The following MARS1 variants were observed in gnomAD, a reference collection of about 807,000 sequenced individuals.
The protein encoded by MARS1 is methionyl-tRNA synthetase 1, also known as methionine--tRNA ligase, cytoplasmic.
A neutral mutation model predicts 119.5 loss-of-function variants in MARS1; 80 were observed. The ratio of observed to expected loss-of-function variants is 0.67; its 90% confidence interval spans 0.56 to 0.81. MARS1 has a LOEUF of 0.81. MARS1 is among the 30% of genes least tolerant of loss of function. MARS1 has a pLI of 0.00. For missense variants in MARS1, 945 were observed against 1,116.5 expected (o/e 0.85, Z 2.19); for synonymous variants, 418 against 433.4 (o/e 0.96, Z 0.44).
chr12:57,505,156 C>A (rs941413133), intron 11 of MARS1, among the ~76,000 whole-genome samples: 8 of 149,356 alleles, frequency 5.4e-5, no homozygotes, highest in African/African-American at 2.0e-4. Context: ...GCATTGACCT[C>A]CTGATTTGTT....
In MARS1 at chr12:57,498,161, C is replaced by T. The variant is rs999105357; in HGVS notation, c.775C>T (p.Pro259Ser). ...CTCTTCCTCTTTCCTTACTAGGTTG[C>T]CTGTGGCTGGAGAAAGGAATGTGCT... ...PLRPQQNPVL[P>S]VAGERNVLIT... The change falls in exon 8 of 21, where the codon CCT becomes TCT. Residue 259 changes from proline (P) to serine (S), a missense_variant. Transcript: ENST00000262027. 6.2e-7 allele frequency: 1 copy of T among 1,610,282 alleles called. No homozygotes were observed. Among genetic ancestry groups the T allele is most frequent in the African/African-American group, 1.3e-5 (1 of 74,948 alleles).
At position 57,516,587 on chromosome 12, in the gene MARS1, C is replaced by T; in HGVS notation, c.*6C>T. On this transcript the variant is annotated 3_prime_UTR_variant, in exon 21 of 21. Transcript: ENST00000262027. ...AAGGCAAGAAGAAAAAGTAAAAGAC[C>T]TTGGCTCATAGAAAGTCACTTTAAT... 2 of 1,565,288 alleles carry T rather than the reference C, an allele frequency of 1.3e-6. No homozygotes were observed. Among genetic ancestry groups the T allele is most frequent in the Non-Finnish European group, 1.7e-6 (2 of 1,163,036 alleles).
intron 7 of MARS1, among the ~76,000 whole-genome samples, chr12:57,491,491 C>CT (rs1291485993): frequency 2.0e-5 from 3 of 152,120 alleles, no homozygotes; most frequent in Admixed American, 6.5e-5. Context: ...GTCGTTGACT[C>CT]TAACTGTTAA....
chr12:57,489,963 A>C lies in MARS1; in HGVS notation c.482A>C (p.Tyr161Ser), dbSNP rs527613531. 6.2e-7 allele frequency: 1 copy of C among 1,613,884 alleles called. No homozygotes were observed. The highest frequency in any genetic ancestry group is 1.1e-5 in the South Asian group (1 of 91,074). Residue 161 changes from tyrosine to serine, a missense_variant, in exon 5 of 21, where the codon TAC becomes TCC. By Grantham distance (144) the Tyr-to-Ser change is moderately radical. Transcript: ENST00000262027. ...TACCCATTACTGCAAGATCCCGCCT[A>C]CCTCCCTGGTGAGAACTGTGCATAT... The part of the protein sequence containing the change: ...ALYPLLQDPA[Y>S]LPEELSALHS...
At chr12:57,506,850 CTTT>C (rs35786533) in intron 11 of MARS1, among the ~76,000 whole-genome samples, 7 of 128,088 alleles carry the variant, frequency 5.5e-5, no homozygotes, top group African/African-American at 5.8e-5. Flanking sequence ...TAATTTTTGT[CTTT>C]TTTTTTTTTT....
chr12:57,516,135 C>A, intron 19 of MARS1, 110 bp from the exon 20 acceptor site: 2 of 1,356,836 alleles, frequency 1.5e-6, no homozygotes, highest in Non-Finnish European at 2.1e-6. Context: ...CCTGTCTTAA[C>A]TAGAAGAGAC....
chr12:57,516,082 C>T (rs1046538796), intron 19 of MARS1, 91 bp downstream of exon 19: 8 of 1,454,318 alleles, frequency 5.5e-6, no homozygotes, highest in Non-Finnish European at 7.7e-6. Context: ...ATCACTCTTT[C>T]CATCTTTTGG....
chr12:57,493,609 A>T (rs368125146), intron 7 of MARS1, among the ~76,000 whole-genome samples: 3 of 2,670 alleles, frequency 1.1e-3, no homozygotes, highest in African/African-American at 1.5e-3. Context: ...TATAATATAT[A>T]ATATATTATA....
At chr12:57,516,029 G>T (rs916527031) in intron 19 of MARS1, 38 bp downstream of exon 19, 2 of 1,595,914 alleles carry the variant, frequency 1.3e-6, no homozygotes, top group Non-Finnish European at 1.7e-6. Context: ...CTCCACAACA[G>T]CCACAGCATC....
intron 10 of MARS1, among the ~76,000 whole-genome samples, chr12:57,501,818 T>G (rs1319033142): frequency 6.9e-6 from 1 of 145,330 alleles, no homozygotes; most frequent in Non-Finnish European, 1.5e-5. Flanking sequence ...TAAGACTCTG[T>G]CTAAAAAAAA....
rs1877703211 is a variant in MARS1, at chr12:57,514,841, G to C, written c.2089G>C (p.Glu697Gln). 6.2e-7 allele frequency: 1 copy of C among 1,613,998 alleles called. No individual in the cohort carries two copies. The highest frequency in any genetic ancestry group is 8.5e-7 in the Non-Finnish European group (1 of 1,179,874). The change falls in exon 16 of 21, where the codon GAG becomes CAG. Residue 697 changes from glutamate to glutamine, a missense_variant. By Grantham distance (29) the Glu-to-Gln change is conservative (BLOSUM62 2). Transcript: ENST00000262027. ...GCTCCAGCACTATCACCAGCTACTT[G>C]AGAAGGTTCGGTAAGTAACTGACAC... ...LELQHYHQLL[E>Q]KVRIRDALRS... is the part of the protein sequence containing the mutation.
intron 7 of MARS1, among the ~76,000 whole-genome samples, chr12:57,493,419 A>C (rs1233272497): frequency 3.3e-5 from 1 of 30,206 alleles, no homozygotes; most frequent in Non-Finnish European, 5.6e-5. Context: ...ATAATATATT[A>C]TATGATATGT....
chr12:57,512,555 T>TA, intron 14 of MARS1, 196 bp from the exon 15 acceptor site: 1 of 640,264 alleles, frequency 1.6e-6, no homozygotes, highest in Admixed American at 2.9e-5. Flanking sequence ...CTTTAGTAGA[T>TA]ATAAGCAAAG....
chr12:57,498,655 CT>C lies in MARS1; in HGVS notation c.1091+34del, dbSNP rs1373441294. ...TTCCTCTAATGAGGCAGAAATGGGG[CT>C]TGAAGGCTGAGACTGGGAACAGTGG... On this transcript the variant is annotated intron_variant, in intron 9 of 20. Transcript: ENST00000262027. 3 of 1,598,400 alleles carry C rather than the reference CT, an allele frequency of 1.9e-6. No individual in the cohort carries two copies. In the South Asian group the frequency reaches 3.3e-5, roughly 18 times the overall value.
chr12:57,507,459 G>A (rs1165765914), intron 11 of MARS1, among the ~76,000 whole-genome samples: 1 of 71,770 alleles, frequency 1.4e-5, no homozygotes. Context: ...CTCCCGGACG[G>A]GGCGGCTGGC....
chr12:57,500,648 C>T lies in MARS1; in HGVS notation c.1293+126C>T, dbSNP rs982798427. On this transcript the variant is annotated intron_variant, in intron 10 of 20. Coordinates refer to ENST00000262027, the MANE Select transcript of MARS1 (RefSeq NM_004990.4). ...CCTTTAACCAGTGGCCCTTTCTGCC[C>T]CATCTCAGCAACTCGTCATTTAGTT... 6 of 812,546 alleles carry T rather than the reference C, an allele frequency of 7.4e-6. No individual in the cohort carries two copies. The African/African-American group carries it at 1.0e-4, about 14-fold the overall frequency. 50.3% of individuals were successfully genotyped at this position (812,546 alleles called of 1,614,324 possible).
At chr12:57,502,926 C>A (rs568731301) in intron 10 of MARS1, among the ~76,000 whole-genome samples, 1 of 148,808 alleles carries the variant, frequency 6.7e-6, no homozygotes, top group African/African-American at 2.5e-5. Flanking sequence ...CTCAGGAGGC[C>A]GAGGCTGGAG....
rs756910049 is a variant in MARS1, at chr12:57,490,655, A to G, written c.770+11A>G. On this transcript the variant is annotated intron_variant, in intron 7 of 20. Transcript: ENST00000262027. The stretch of plus-strand genomic sequence containing the variant: ...CCAGCAGAATCCAGTGTGAGTAGAC[A>G]TGGCACATGTGAGTGGGGCTTGATT... The G allele has an allele frequency of 1.9e-6, 3 of 1,612,256 alleles. No homozygotes were observed. Among genetic ancestry groups the G allele is most frequent in the Non-Finnish European group, 1.7e-6 (2 of 1,178,432 alleles).
At chr12:57,513,838 A>G (rs923016609) in intron 15 of MARS1, among the ~76,000 whole-genome samples, 10 of 151,672 alleles carry the variant, frequency 6.6e-5, no homozygotes, top group South Asian at 2.1e-4. Flanking sequence ...CATTTAATAA[A>G]TAGTCCTTAC....
Sources: allele counts gnomAD v4.1 joint callset (sites outside exome capture counted in the v4.1 genomes callset), GRCh38; gene constraint gnomAD v4.1.1; transcripts MANE v1.5; gene names NCBI Gene and HGNC (gene_info 2026-07-23, HGNC 2026-07-21).